FAM13B: variants seen among roughly 807,000 people sequenced by gnomAD.
The protein encoded by FAM13B is protein FAM13B.
FAM13B carries 60 observed loss-of-function variants against 117.3 expected under a neutral mutation model. That is an observed-to-expected ratio of 0.51 (90% CI 0.42 to 0.63). The LOEUF is 0.63. Ranked by LOEUF, FAM13B falls within the 30% of genes least tolerant of loss-of-function variation. The pLI, the probability that FAM13B is intolerant of heterozygous loss-of-function variation, is 0.00. For synonymous variants in FAM13B, 332 were observed against 356.1 expected, an observed-to-expected ratio of 0.93 and a Z score of 0.76; for missense variants, 972 against 1,091.9, an observed-to-expected ratio of 0.89 and a Z score of 1.55.
chr5:138,011,188 A>AT, intron 5 of FAM13B, 39 bp from the exon 6 acceptor site: 19 of 1,563,302 alleles, frequency 1.2e-5, no homozygotes, highest in Non-Finnish European at 1.6e-5. Flanking sequence ...GAGTTCTTAA[A>AT]TCAATCACAG....
At chr5:137,946,660 G>A (rs1479191261) in intron 18 of FAM13B, among the ~76,000 whole-genome samples, 1 of 152,206 alleles carries the variant, frequency 6.6e-6, no homozygotes. Flanking sequence ...GGGCTCTAAA[G>A]AGGACTATTT....
chr5:137,984,667 A>T (rs1776699969), intron 10 of FAM13B, among the ~76,000 whole-genome samples: 1 of 152,192 alleles, frequency 6.6e-6, no homozygotes, highest in South Asian at 2.1e-4. Context: ...CTCCTAAGAA[A>T]TACGGAAGCT....
At chr5:138,019,726 C>A (rs1258844151) in intron 2 of FAM13B, among the ~76,000 whole-genome samples, 1 of 150,926 alleles carries the variant, frequency 6.6e-6, no homozygotes, top group African/African-American at 2.4e-5. Context: ...GTTGCCCAGG[C>A]TGCAGTGCAG....
At chr5:137,979,934 C>T (rs1026845280) in intron 10 of FAM13B, among the ~76,000 whole-genome samples, 11 of 148,226 alleles carry the variant, frequency 7.4e-5, no homozygotes, top group East Asian at 2.0e-4. Flanking sequence ...GGCCAAGGCG[C>T]GAGGATCACC....
At chr5:137,949,560 A>T (rs1471031537) in intron 17 of FAM13B, among the ~76,000 whole-genome samples, 1 of 152,180 alleles carries the variant, frequency 6.6e-6, no homozygotes, top group Non-Finnish European at 1.5e-5. Flanking sequence ...TGGGTGGATC[A>T]CTTGAGGTCA....
chr5:138,051,020 G>GT (rs1791784219), intron 1 of FAM13B, among the ~76,000 whole-genome samples: 1 of 151,726 alleles, frequency 6.6e-6, no homozygotes, highest in Admixed American at 6.6e-5. Context: ...TAGCATATTA[G>GT]TGGGGGGGGG....
chr5:137,960,561 A>C lies in FAM13B; in HGVS notation c.1245-347T>G, dbSNP rs56000305. On this transcript the variant is annotated intron_variant, in intron 11 of 23. Coordinates refer to ENST00000689681, the MANE Select transcript of FAM13B (RefSeq NM_001385994.1). ...TGTATAATAAAGATTTTATAAAATA[A>C]ATGTTTTAACCAAATAAACAGCTCT... Among the ~76,000 whole-genome samples, 469 of 152,186 alleles carry C rather than the reference A, an allele frequency of 3.1e-3. 2 individuals carry two copies. Among genetic ancestry groups the C allele is most frequent in the African/African-American group, 0.011 (442 of 41,476 alleles).
intron 10 of FAM13B, among the ~76,000 whole-genome samples, chr5:137,965,667 C>T (rs1426568056): frequency 6.6e-6 from 1 of 152,156 alleles, no homozygotes; most frequent in Non-Finnish European, 1.5e-5. Context: ...ATCTAGCCTA[C>T]TCTCTCTCTT....
At chr5:138,002,772 T>C (rs1388495416) in intron 7 of FAM13B, among the ~76,000 whole-genome samples, 3 of 149,144 alleles carry the variant, frequency 2.0e-5, no homozygotes, top group Non-Finnish European at 4.5e-5. Flanking sequence ...TTCACGCCAT[T>C]CTCCTGCCTC....
Position 138,007,107 on chromosome 5 carries a change from A to G in FAM13B, c.731T>C (p.Leu244Pro). Residue 244 changes from leucine (L) to proline (P), a missense_variant, in exon 7 of 24, where the codon CTG becomes CCG. Coordinates refer to ENST00000689681, the MANE Select transcript of FAM13B (RefSeq NM_001385994.1). ...TTCTGGAAGTTCTTCAATATGTTCC[A>G]GCTTTTCATCTTCCTCTTCTTCCTC... is the stretch of plus-strand genomic sequence containing the variant. ...LSEEEEEDEK[L>P]EHIEELPEEG... 1.2e-6 allele frequency: 2 copies of G among 1,612,732 alleles called. No homozygotes were observed. Among genetic ancestry groups the G allele is most frequent in the Non-Finnish European group, 1.7e-6 (2 of 1,179,674 alleles).
chr5:138,010,952 A>C, intron 6 of FAM13B, 56 bp downstream of exon 6: 3 of 1,186,398 alleles, frequency 2.5e-6, no homozygotes, highest in Non-Finnish European at 3.2e-6. Context: ...AGAGCATATT[A>C]TTCTTAAAAA....
At chr5:137,976,790 AT>A (rs1774151230) in intron 10 of FAM13B, among the ~76,000 whole-genome samples, 1 of 152,102 alleles carries the variant, frequency 6.6e-6, no homozygotes, top group South Asian at 2.1e-4. Flanking sequence ...TAATCCCATC[AT>A]TTTTGTAAAC....
At chr5:138,041,231 G>A (rs2151127253) in intron 1 of FAM13B, among the ~76,000 whole-genome samples, 1 of 152,260 alleles carries the variant, frequency 6.6e-6, no homozygotes, top group African/African-American at 2.4e-5. Context: ...TCCAAAATGC[G>A]AGAAGTAATG....
chr5:137,970,018 CA>C (rs1771555729), intron 10 of FAM13B, among the ~76,000 whole-genome samples: 1 of 152,144 alleles, frequency 6.6e-6, no homozygotes, highest in South Asian at 2.1e-4. Context: ...AGAATGGAAC[CA>C]AGTTGGAAAA....
At chr5:137,979,842 G>A (rs768340475) in intron 10 of FAM13B, among the ~76,000 whole-genome samples, 1 of 152,026 alleles carries the variant, frequency 6.6e-6, no homozygotes, top group Non-Finnish European at 1.5e-5. Context: ...GTATGTGCAT[G>A]TACAACCTAG....
chr5:137,964,116 A>C (rs1581106516), intron 10 of FAM13B, among the ~76,000 whole-genome samples: 1 of 152,238 alleles, frequency 6.6e-6, no homozygotes, highest in East Asian at 1.9e-4. Flanking sequence ...GGCCAGAGTG[A>C]GGCTCATGCA....
chr5:137,994,507 T>C (rs570039391), intron 7 of FAM13B, among the ~76,000 whole-genome samples: 1 of 152,350 alleles, frequency 6.6e-6, no homozygotes, highest in Admixed American at 6.5e-5. Flanking sequence ...AATATAGTTA[T>C]GCATCTGCAG....
intron 7 of FAM13B, among the ~76,000 whole-genome samples, chr5:137,992,914 C>T (rs765670223): frequency 6.6e-6 from 1 of 152,178 alleles, no homozygotes; most frequent in Non-Finnish European, 1.5e-5. Flanking sequence ...TATAATACTA[C>T]TATTAATAAG....
intron 10 of FAM13B, among the ~76,000 whole-genome samples, chr5:137,970,430 A>G (rs1362493544): frequency 1.3e-5 from 2 of 152,236 alleles, no homozygotes; most frequent in African/African-American, 4.8e-5. Flanking sequence ...TGTCACCACC[A>G]GGCCTGCCCT....
Sources: allele counts gnomAD v4.1 joint callset (sites outside exome capture counted in the v4.1 genomes callset), GRCh38; gene constraint gnomAD v4.1.1; transcripts MANE v1.5; gene names NCBI Gene and HGNC (gene_info 2026-07-23, HGNC 2026-07-21).